The following PCSK1 variants were observed in gnomAD, a reference collection of about 807,000 sequenced individuals.
The protein encoded by PCSK1 is proprotein convertase subtilisin/kexin type 1, also known as neuroendocrine convertase 1.
Under a neutral mutation model 90.6 loss-of-function variants are expected in PCSK1, and 56 were observed. The ratio of observed to expected loss-of-function variants is 0.62; its 90% CI spans 0.50 to 0.77. PCSK1 has a LOEUF of 0.77. Ranked by LOEUF, PCSK1 falls within the 30% of genes least tolerant of loss-of-function variation. The probability of loss-of-function intolerance (pLI) is 0.00; values close to 1 mark genes in which losing one functional copy is unlikely to be tolerated. For missense variants in PCSK1, 801 were observed against 932.6 expected (o/e 0.86, Z 1.84); for synonymous variants, 348 against 342.4 (o/e 1.02, Z -0.18).
chr5:96,425,284 T>C (rs155994), intron 3 of PCSK1, among the ~76,000 whole-genome samples: 65,286 of 152,050 alleles, frequency 0.43, 14,981 homozygotes, highest in African/African-American at 0.58. Flanking sequence ...AACAATTTCT[T>C]CGCTCAAGGA....
At chr5:96,430,008 A>G (rs1256097818) in intron 1 of PCSK1, among the ~76,000 whole-genome samples, 2 of 152,246 alleles carry the variant, frequency 1.3e-5, no homozygotes, top group African/African-American at 4.8e-5. Context: ...GATACTATCT[A>G]TGGTCAGTGC....
intron 12 of PCSK1, 38 bp downstream of exon 12, chr5:96,397,298 G>A (rs940747021): frequency 6.3e-7 from 1 of 1,593,170 alleles, no homozygotes; most frequent in Non-Finnish European, 8.6e-7. Context: ...ATGTTTAAAA[G>A]TAAGCTTGTG....
At chr5:96,425,467 A>G (rs921622885) in intron 3 of PCSK1, among the ~76,000 whole-genome samples, 7 of 152,228 alleles carry the variant, frequency 4.6e-5, no homozygotes, top group African/African-American at 1.7e-4. Flanking sequence ...GAGTGCTTTA[A>G]AGGGTTCTGA....
intron 9 of PCSK1, among the ~76,000 whole-genome samples, chr5:96,407,520 A>G (rs2112413872): frequency 6.6e-6 from 1 of 152,328 alleles, no homozygotes; most frequent in South Asian, 2.1e-4. Flanking sequence ...ATAGTCATTC[A>G]AGGCAGCATC....
At chr5:96,394,583 A>C (rs1760065298) in intron 13 of PCSK1, among the ~76,000 whole-genome samples, 2 of 152,150 alleles carry the variant, frequency 1.3e-5, no homozygotes, top group African/African-American at 4.8e-5. Context: ...CATAAAGATA[A>C]CTTTTTTTTC....
At chr5:96,410,001 G>C (rs1760700253) in intron 8 of PCSK1, among the ~76,000 whole-genome samples, 1 of 152,176 alleles carries the variant, frequency 6.6e-6, no homozygotes, top group Non-Finnish European at 1.5e-5. Context: ...ATCATGACCT[G>C]CTATTTCACT....
intron 5 of PCSK1, among the ~76,000 whole-genome samples, chr5:96,420,727 G>A (rs1385232201): frequency 7.2e-6 from 1 of 139,770 alleles, no homozygotes; most frequent in Non-Finnish European, 1.6e-5. Flanking sequence ...AGTTCTGAGG[G>A]AGAATAAGGA....
At chr5:96,430,678 C>G (rs3811952) in intron 1 of PCSK1, among the ~76,000 whole-genome samples, 5,146 of 152,294 alleles carry the variant, frequency 0.034, 400 homozygotes, top group East Asian at 0.22. Context: ...AACGTGCTAT[C>G]AGCCTTCTAC....
In PCSK1 at chr5:96,397,376, T is replaced by C; in HGVS notation, c.1682A>G (p.Glu561Gly). The change falls in exon 12 of 14, where the codon GAG (glutamate) becomes GGG (glycine). Residue 561 changes from glutamate to glycine, a missense_variant. Coordinates refer to ENST00000311106, the MANE Select transcript of PCSK1 (RefSeq NM_000439.5). ...WDFMSVHTWG[E>G]NPIGTWTLRI... ...CAAAGTCCAAGTACCTATAGGGTTC[T>C]CTCCCCATGTGTGAACAGACATGAA... is the stretch of plus-strand genomic sequence containing the variant. 1 of 1,612,206 alleles carries C rather than the reference T, an allele frequency of 6.2e-7. No homozygotes were observed. The highest frequency in any genetic ancestry group is 1.7e-5 in the Admixed American group (1 of 60,010).
intron 5 of PCSK1, among the ~76,000 whole-genome samples, chr5:96,416,531 T>C (rs1463448845): frequency 1.3e-5 from 2 of 152,258 alleles, no homozygotes; most frequent in Admixed American, 1.3e-4. Flanking sequence ...TTTGTACTTT[T>C]TGGTAGCAAA....
intron 9 of PCSK1, among the ~76,000 whole-genome samples, chr5:96,404,583 T>G (rs781029196): frequency 1.3e-5 from 2 of 152,198 alleles, no homozygotes; most frequent in Non-Finnish European, 2.9e-5. Context: ...AGAAAACTTA[T>G]AAGAAACTCA....
intron 6 of PCSK1, among the ~76,000 whole-genome samples, chr5:96,414,850 G>C (rs1450492640): frequency 6.6e-6 from 1 of 152,106 alleles, no homozygotes; most frequent in Non-Finnish European, 1.5e-5. Flanking sequence ...GAAGATGTTA[G>C]TATCAAAGGA....
intron 8 of PCSK1, among the ~76,000 whole-genome samples, chr5:96,409,525 G>A (rs1466714278): frequency 1.3e-5 from 2 of 152,190 alleles, no homozygotes; most frequent in East Asian, 3.8e-4. Context: ...TCCTAAGGCT[G>A]GCTTTCTTAA....
At chr5:96,404,384 G>A (rs114973351) in intron 9 of PCSK1, among the ~76,000 whole-genome samples, 3,076 of 152,296 alleles carry the variant, frequency 0.02, 117 homozygotes, top group African/African-American at 0.071. Flanking sequence ...GAACCTGCAT[G>A]TTAAATAAAC....
chr5:96,430,742 G>C (rs1761465643), intron 1 of PCSK1, among the ~76,000 whole-genome samples: 1 of 152,244 alleles, frequency 6.6e-6, no homozygotes, highest in South Asian at 2.1e-4. Flanking sequence ...TAAAACTTTT[G>C]TTAGTAATGC....
intron 2 of PCSK1, among the ~76,000 whole-genome samples, chr5:96,427,457 A>G (rs747691901): frequency 3.3e-5 from 5 of 152,162 alleles, no homozygotes; most frequent in Non-Finnish European, 7.3e-5. Flanking sequence ...ATCTAATTCA[A>G]CCTTCCAATG....
At chr5:96,419,324 TATAA>T (rs1392313902) in intron 5 of PCSK1, among the ~76,000 whole-genome samples, 1 of 147,640 alleles carries the variant, frequency 6.8e-6, no homozygotes, top group Admixed American at 6.8e-5. Context: ...TATATATATA[TATAA>T]AACCTCACTT....
At position 96,433,071 on chromosome 5, in the gene PCSK1, G is replaced by A. The variant is rs1761559261; in HGVS notation, c.-29C>T. ...TCACACACTCGCTTGAACAAGAGTG[G>A]GAAGGGAAGAGGAAAAAGAAGCAAG... On this transcript the variant is annotated 5_prime_UTR_variant, in exon 1 of 14. Coordinates refer to ENST00000311106, the MANE Select transcript of PCSK1 (RefSeq NM_000439.5). 6 of 1,607,224 alleles carry A rather than the reference G, an allele frequency of 3.7e-6. No homozygotes were observed. Among genetic ancestry groups the A allele is most frequent in the African/African-American group, 1.3e-5 (1 of 74,778 alleles).
rs1490377137 is a variant in PCSK1 at position 96,423,383 on chromosome 5, C to G, written c.473G>C (p.Gly158Ala). Residue 158 changes from glycine to alanine, a missense_variant, in exon 4 of 14, where the codon GGC (glycine) becomes GCC (alanine). Gly to Ala is a moderately conservative substitution (Grantham distance 60). Transcript: ENST00000311106. ...CAGTACGGTGATAACAACTCCTTTG[C>G]CCGTAATGCCTTTTTGCCAAACAGG... The part of the protein sequence containing the change: ...VIPVWQKGIT[G>A]KGVVITVLDD... 1 of 1,613,846 alleles carries G rather than the reference C, an allele frequency of 6.2e-7. No individual in the cohort carries two copies. Among genetic ancestry groups the G allele is most frequent in the Non-Finnish European group, 8.5e-7 (1 of 1,179,900 alleles).
Sources: allele counts gnomAD v4.1 joint callset (sites outside exome capture counted in the v4.1 genomes callset), GRCh38; gene constraint gnomAD v4.1.1; transcripts MANE v1.5; gene names NCBI Gene and HGNC (gene_info 2026-07-23, HGNC 2026-07-21).